TAMM41: variants seen among roughly 807,000 people sequenced by gnomAD.
TAMM41 encodes the protein phosphatidate cytidylyltransferase, mitochondrial.
Under a neutral mutation model 44.1 loss-of-function variants are expected in TAMM41, and 36 were observed. The ratio of observed to expected loss-of-function variants is 0.82; its 90% CI spans 0.63 to 1.08. The LOEUF (loss-of-function observed/expected upper bound fraction) is 1.08, where lower values mean the gene tolerates loss of function less well. TAMM41 is among the 50% of genes least tolerant of loss of function. TAMM41 has a pLI of 0.00. For missense variants in TAMM41, 417 were observed against 404.3 expected, an observed-to-expected ratio of 1.03 and a Z score of -0.27; for synonymous variants, 164 against 153.1, an observed-to-expected ratio of 1.07 and a Z score of -0.53.
intron 7 of TAMM41, among the ~76,000 whole-genome samples, chr3:11,805,216 G>A (rs1036870501): frequency 1.3e-5 from 2 of 151,986 alleles, no homozygotes; most frequent in Admixed American, 6.6e-5. Flanking sequence ...TGCCCAGGCT[G>A]GTCTCAAACC....
In TAMM41 at chr3:11,807,895, C is replaced by G. The variant is rs2077967098; in HGVS notation, c.875G>C (p.Gly292Ala). 6.6e-7 allele frequency: 1 copy of G among 1,509,564 alleles called. No individual in the cohort carries two copies. Among genetic ancestry groups the G allele is most frequent in the African/African-American group, 1.4e-5 (1 of 71,634 alleles). 93.5% of individuals were successfully genotyped at this position (1,509,564 alleles called of 1,614,324 possible). Residue 292 changes from glycine to alanine, a missense_variant and splice_region_variant, in exon 7 of 8, where the codon GGG becomes GCG. By Grantham distance (60) the Gly-to-Ala change is moderately conservative (BLOSUM62 0). Coordinates refer to ENST00000455809, the MANE Select transcript of TAMM41 (RefSeq NM_001284401.2). ...AGACGGTCTCACGATTGCTGAAAGC[C>G]CTGCGAGAAAAAAACCAAAAAGGAG... ...DPDCGDVVRL[G>A]LSAIVRPSSI...
At chr3:11,776,390 C>A in the TAMM41 span, among the ~76,000 whole-genome samples, 9 of 152,186 alleles carry the variant, frequency 5.9e-5, 1 homozygote, top group South Asian at 1.7e-3. Context: ...TGAACTGAAG[C>A]AATCCTTCTG....
At chr3:11,817,790 G>A (rs975142264) in intron 4 of TAMM41, among the ~76,000 whole-genome samples, 4 of 152,162 alleles carry the variant, frequency 2.6e-5, no homozygotes, top group Non-Finnish European at 5.9e-5. Context: ...GGCACTTGAT[G>A]AATATAATCT....
chr3:11,809,238 C>G lies in TAMM41; in HGVS notation c.874+279G>C, dbSNP rs569344424. 630 of 441,030 alleles carry G rather than the reference C, an allele frequency of 1.4e-3. 1 individual carries two copies. The highest frequency in any genetic ancestry group is 2.0e-3 in the Non-Finnish European group (493 of 250,074). The allele number at this position is 441,030 out of a possible 1,614,324, so 27.3% of individuals were successfully genotyped here. A position where few individuals can be genotyped will look rare whatever the true frequency, so the allele number is the denominator to read the frequency against. ...CACAGACACATCTTTTAAATAAATT[C>G]TAGAAGTTGTGCTCTAGGAACCAAA... is the stretch of plus-strand genomic sequence containing the variant. On this transcript the variant is annotated intron_variant, in intron 6 of 7. Coordinates refer to ENST00000455809, the MANE Select transcript of TAMM41 (RefSeq NM_001284401.2).
chr3:11,800,965 G>A (rs1357113318), intron 7 of TAMM41, among the ~76,000 whole-genome samples: 1 of 152,000 alleles, frequency 6.6e-6, no homozygotes, highest in African/African-American at 2.4e-5. Context: ...GGTGGTATGT[G>A]CCTGTGGTCC....
intron 7 of TAMM41, among the ~76,000 whole-genome samples, chr3:11,799,147 G>A: frequency 6.6e-6 from 1 of 152,026 alleles, no homozygotes; most frequent in Admixed American, 6.6e-5. Flanking sequence ...TCACATCATT[G>A]TACTCTAGCC....
chr3:11,813,778 T>C (rs1456314100), intron 5 of TAMM41, among the ~76,000 whole-genome samples: 1 of 151,688 alleles, frequency 6.6e-6, no homozygotes, highest in Admixed American at 6.6e-5. Context: ...AGTGGGACCC[T>C]GTCTCTACAA....
chr3:11,742,904 C>CT, the TAMM41 span, among the ~76,000 whole-genome samples: 1 of 152,096 alleles, frequency 6.6e-6, no homozygotes, highest in Non-Finnish European at 1.5e-5. Context: ...CGACCCAGTG[C>CT]TTTTTGAACC....
chr3:11,817,861 A>C (rs1168769369), intron 4 of TAMM41, among the ~76,000 whole-genome samples: 1 of 152,258 alleles, frequency 6.6e-6, no homozygotes, highest in Non-Finnish European at 1.5e-5. Flanking sequence ...GTTTGCATTT[A>C]AGATGAAATT....
chr3:11,738,621 T>C, the TAMM41 span, among the ~76,000 whole-genome samples: 1 of 152,188 alleles, frequency 6.6e-6, no homozygotes, highest in Admixed American at 6.5e-5. Flanking sequence ...GAGGGGTTTA[T>C]ACTCTGTAGA....
At chr3:11,766,624 G>C in the TAMM41 span, among the ~76,000 whole-genome samples, 464 of 152,066 alleles carry the variant, frequency 3.1e-3, 3 homozygotes, top group South Asian at 0.017. Flanking sequence ...CTGGAGTGTT[G>C]TGGGTACAAA....
chr3:11,804,847 T>C (rs1257021675), intron 7 of TAMM41, among the ~76,000 whole-genome samples: 1 of 151,290 alleles, frequency 6.6e-6, no homozygotes, highest in Non-Finnish European at 1.5e-5. Flanking sequence ...GAAACTTTTA[T>C]ACAATGTTTT....
At chr3:11,747,385 G>A in the TAMM41 span, among the ~76,000 whole-genome samples, 1 of 152,084 alleles carries the variant, frequency 6.6e-6, no homozygotes, top group Non-Finnish European at 1.5e-5. Flanking sequence ...TTTCTAGACT[G>A]GTAGAAATAA....
At chr3:11,818,684 C>A (rs1346193410) in intron 4 of TAMM41, among the ~76,000 whole-genome samples, 1 of 152,040 alleles carries the variant, frequency 6.6e-6, no homozygotes, top group Non-Finnish European at 1.5e-5. Flanking sequence ...ATCACGAGGT[C>A]AGGAGATCCA....
At chr3:11,844,944 A>G (rs1349303225) in intron 1 of TAMM41, 4 of 456,626 alleles carry the variant, frequency 8.8e-6, no homozygotes, top group Admixed American at 7.0e-5. Context: ...ATTCTCCTAG[A>G]GATGACAAAT....
At chr3:11,822,731 T>C (rs2078572551) in intron 4 of TAMM41, among the ~76,000 whole-genome samples, 1 of 152,272 alleles carries the variant, frequency 6.6e-6, no homozygotes, top group African/African-American at 2.4e-5. Context: ...CTCCTGCTTA[T>C]GGTTAAATAA....
At chr3:11,772,333 G>A in the TAMM41 span, among the ~76,000 whole-genome samples, 3 of 148,912 alleles carry the variant, frequency 2.0e-5, no homozygotes, top group Non-Finnish European at 4.4e-5. Context: ...CGCCCTCCTT[G>A]GCCTCCCAAA....
chr3:11,826,959 T>C (rs1575681829), intron 4 of TAMM41, among the ~76,000 whole-genome samples: 1 of 152,244 alleles, frequency 6.6e-6, no homozygotes, highest in Admixed American at 6.5e-5. Context: ...GTCACATCAG[T>C]CTACTGCTTT....
Position 11,829,861 on chromosome 3 carries a change from T to C in TAMM41, c.415A>G (p.Lys139Glu). 6.2e-7 allele frequency: 1 copy of C among 1,614,082 alleles called. No individual in the cohort carries two copies. The highest frequency in any genetic ancestry group is 8.5e-7 in the Non-Finnish European group (1 of 1,180,006). ...ACATCCTCGTTCACTGAGATAATTTTCACCTGAAAGAAGCAGAACATTGGG... is the reference window on the plus strand; with the variant it reads ...ACATCCTCGTTCACTGAGATAATTTCCACCTGAAAGAAGCAGAACATTGGG... ...YIAGRLQKPV[K>E]IISVNEDVTL... The change falls in exon 4 of 8, where the codon AAA (lysine) becomes GAA (glutamate). Residue 139 changes from lysine to glutamate, a missense_variant. By Grantham distance (56) the Lys-to-Glu change is moderately conservative. Transcript: ENST00000455809.
Sources: allele counts gnomAD v4.1 joint callset (sites outside exome capture counted in the v4.1 genomes callset), GRCh38; gene constraint gnomAD v4.1.1; transcripts MANE v1.5; gene names NCBI Gene and HGNC (gene_info 2026-07-23, HGNC 2026-07-21).